TGFBR2: variants seen among roughly 807,000 people sequenced by gnomAD.
TGFBR2 encodes TGF-beta receptor type-2.
Under a neutral mutation model 49.0 loss-of-function variants are expected in TGFBR2, and 18 were observed. That is an observed-to-expected ratio of 0.37 (90% CI 0.25 to 0.54). The LOEUF (loss-of-function observed/expected upper bound fraction) is 0.54. Ranked by LOEUF, TGFBR2 falls within the 20% of genes least tolerant of loss-of-function variation. The probability of loss-of-function intolerance (pLI) is 0.85; values close to 1 mark genes in which losing one functional copy is unlikely to be tolerated. For missense variants in TGFBR2, 525 were observed against 722.6 expected, an observed-to-expected ratio of 0.73 and a Z score of 3.13; for synonymous variants, 282 against 275.9, an observed-to-expected ratio of 1.02 and a Z score of -0.22.
chr3:30,653,731 GAA>G (rs1375346304), intron 3 of TGFBR2, among the ~76,000 whole-genome samples: 1 of 151,806 alleles, frequency 6.6e-6, no homozygotes, highest in Non-Finnish European at 1.5e-5. Flanking sequence ...TAATATGTAA[GAA>G]AAAAAAGTTG....
At chr3:30,630,677 G>A (rs1231372584) in intron 1 of TGFBR2, among the ~76,000 whole-genome samples, 3 of 152,166 alleles carry the variant, frequency 2.0e-5, no homozygotes, top group African/African-American at 4.8e-5. Flanking sequence ...CCCCATTGTG[G>A]TGGTATCAAG....
intron 3 of TGFBR2, among the ~76,000 whole-genome samples, chr3:30,653,585 C>T (rs1024404853): frequency 2.6e-5 from 4 of 152,076 alleles, no homozygotes; most frequent in Admixed American, 6.6e-5. Context: ...TTTGTCTACT[C>T]CAAGTCCAAC....
At chr3:30,620,301 G>GT (rs1698206446) in intron 1 of TGFBR2, among the ~76,000 whole-genome samples, 1 of 152,182 alleles carries the variant, frequency 6.6e-6, no homozygotes, top group Non-Finnish European at 1.5e-5. Flanking sequence ...CTGTTTATGT[G>GT]TTTTGTTTGT....
chr3:30,643,184 C>A (rs1698674729), intron 1 of TGFBR2, among the ~76,000 whole-genome samples: 1 of 152,194 alleles, frequency 6.6e-6, no homozygotes, highest in Non-Finnish European at 1.5e-5. Flanking sequence ...CCTCTCTAGG[C>A]AAGAGCGGAG....
chr3:30,664,509 T>C (rs1294248761), intron 3 of TGFBR2, among the ~76,000 whole-genome samples: 1 of 152,230 alleles, frequency 6.6e-6, no homozygotes, highest in African/African-American at 2.4e-5. Flanking sequence ...CAAATTCTTT[T>C]TTTTTCTGTC....
At chr3:30,645,290 C>G (rs11466493) in intron 2 of TGFBR2, among the ~76,000 whole-genome samples, 5,651 of 152,162 alleles carry the variant, frequency 0.037, 115 homozygotes, top group Non-Finnish European at 0.045. Flanking sequence ...GAGCTTTGTT[C>G]TCTTGAGGCA....
chr3:30,607,286 A>C (rs1575126104), intron 1 of TGFBR2, among the ~76,000 whole-genome samples: 2 of 152,302 alleles, frequency 1.3e-5, no homozygotes, highest in East Asian at 3.9e-4. Flanking sequence ...AAGTTTGAGA[A>C]GTTGGTTATC....
intron 1 of TGFBR2, among the ~76,000 whole-genome samples, chr3:30,611,476 T>C (rs113640616): frequency 2.6e-5 from 4 of 152,316 alleles, no homozygotes; most frequent in Non-Finnish European, 4.4e-5. Context: ...GAAGTTTTCA[T>C]GCAATTCCTT....
At chr3:30,678,884 C>T (rs1699487538) in intron 5 of TGFBR2, among the ~76,000 whole-genome samples, 1 of 152,182 alleles carries the variant, frequency 6.6e-6, no homozygotes. Context: ...GTACTCACTA[C>T]TTGAAGAAAA....
At chr3:30,652,273 C>T (rs1575147613) in intron 3 of TGFBR2, among the ~76,000 whole-genome samples, 2 of 114,780 alleles carry the variant, frequency 1.7e-5, no homozygotes, top group East Asian at 2.8e-4. Flanking sequence ...CTCACTCTGT[C>T]GCCCAGGCTG....
chr3:30,654,204 TTTG>T (rs1449535585), intron 3 of TGFBR2, among the ~76,000 whole-genome samples: 20 of 152,284 alleles, frequency 1.3e-4, no homozygotes, highest in African/African-American at 4.1e-4. Flanking sequence ...ATTTGTTCCT[TTTG>T]TTGTTGTTGT....
chr3:30,623,660 G>A (rs1256845532), intron 1 of TGFBR2, among the ~76,000 whole-genome samples: 1 of 152,192 alleles, frequency 6.6e-6, no homozygotes, highest in Admixed American at 6.5e-5. Flanking sequence ...ATGTGTAAAA[G>A]GCTATGCCAG....
chr3:30,661,103 T>A (rs1298269758), intron 3 of TGFBR2, among the ~76,000 whole-genome samples: 2 of 152,200 alleles, frequency 1.3e-5, no homozygotes, highest in Admixed American at 1.3e-4. Flanking sequence ...TCAGGTTTCC[T>A]GAGAACATGA....
intron 5 of TGFBR2, among the ~76,000 whole-genome samples, chr3:30,680,903 G>T (rs1202784746): frequency 6.6e-6 from 1 of 152,146 alleles, no homozygotes; most frequent in Non-Finnish European, 1.5e-5. Flanking sequence ...GTGTTTGTGT[G>T]TTGTGTGGAA....
intron 5 of TGFBR2, among the ~76,000 whole-genome samples, chr3:30,685,591 A>G (rs9869470): frequency 0.011 from 1,717 of 152,290 alleles, 33 homozygotes; most frequent in African/African-American, 0.039. Context: ...AGCTCTGGAG[A>G]GTGTGAATTG....
intron 2 of TGFBR2, among the ~76,000 whole-genome samples, chr3:30,646,592 T>A (rs1268840144): frequency 6.6e-6 from 1 of 152,116 alleles, no homozygotes; most frequent in Non-Finnish European, 1.5e-5. Flanking sequence ...TCAGCATAAG[T>A]TTAGACATTT....
At chr3:30,640,658 TA>T (rs11367094) in intron 1 of TGFBR2, among the ~76,000 whole-genome samples, 44,070 of 151,960 alleles carry the variant, frequency 0.29, 7,486 homozygotes, top group East Asian at 0.68. Context: ...TCAATTTTTT[TA>T]AAAAAATATT....
rs11466512 is a variant in TGFBR2 at position 30,671,634 on chromosome 3, T to G, written c.455-4T>G. On this transcript the variant is annotated splice_region_variant and splice_polypyrimidine_tract_variant and intron_variant, in intron 3 of 6. Coordinates refer to ENST00000295754, the MANE Select transcript of TGFBR2 (RefSeq NM_003242.6). ...CTTCTCTCCTTGTTTTGTTTCCCCATCAGAATATAACACCAGCAATCCTGA... is the reference window on the plus strand; with the variant it reads ...CTTCTCTCCTTGTTTTGTTTCCCCAGCAGAATATAACACCAGCAATCCTGA... 6.2e-7 allele frequency: 1 copy of G among 1,613,954 alleles called. No individual in the cohort carries two copies. The highest frequency in any genetic ancestry group is 1.1e-5 in the South Asian group (1 of 91,084).
At chr3:30,663,077 T>C (rs1699167124) in intron 3 of TGFBR2, among the ~76,000 whole-genome samples, 1 of 152,126 alleles carries the variant, frequency 6.6e-6, no homozygotes, top group South Asian at 2.1e-4. Flanking sequence ...AAGTTATTCT[T>C]TATGTAACAT....
Sources: gnomAD v4.1 joint callset for allele counts (sites outside exome capture counted in the v4.1 genomes callset) on GRCh38, gnomAD v4.1.1 for gene constraint, MANE v1.5 for transcripts, NCBI Gene and HGNC (gene_info 2026-07-23, HGNC 2026-07-21) for gene names.